Variants in EXOC4 observed in about 807,000 individuals in gnomAD.
The protein encoded by EXOC4 is SEC8-like 1.
A neutral mutation model predicts 107.2 loss-of-function variants in EXOC4; 71 were observed. That is an observed-to-expected ratio of 0.66 (90% CI 0.55 to 0.81). EXOC4 has a LOEUF of 0.81. Ranked by LOEUF, EXOC4 falls within the 30% of genes least tolerant of loss-of-function variation. The probability of loss-of-function intolerance (pLI) is 0.00; values close to 1 mark genes in which losing one functional copy is unlikely to be tolerated. For missense variants in EXOC4, 1,108 were observed against 1,189.6 expected (o/e 0.93, Z 1.01); for synonymous variants, 456 against 441.2 (o/e 1.03, Z -0.42).
intron 11 of EXOC4, among the ~76,000 whole-genome samples, chr7:133,857,852 A>T (rs1234911353): frequency 6.6e-6 from 1 of 152,096 alleles, no homozygotes; most frequent in Non-Finnish European, 1.5e-5. Flanking sequence ...CACCACCCAC[A>T]GCTCGGCGGA....
chr7:133,525,401 G>A (rs1022313476), intron 9 of EXOC4, among the ~76,000 whole-genome samples: 1 of 152,164 alleles, frequency 6.6e-6, no homozygotes, highest in African/African-American at 2.4e-5. Context: ...ACTTTTCTGT[G>A]TGTGTATTTC....
chr7:133,457,877 ATAGC>A (rs1798499660), intron 7 of EXOC4, among the ~76,000 whole-genome samples: 1 of 152,198 alleles, frequency 6.6e-6, no homozygotes, highest in Non-Finnish European at 1.5e-5. Context: ...AGTAGTAGGT[ATAGC>A]TTCAGTAATA....
At chr7:133,287,832 G>C (rs902320064) in intron 2 of EXOC4, among the ~76,000 whole-genome samples, 4 of 152,194 alleles carry the variant, frequency 2.6e-5, no homozygotes, top group Non-Finnish European at 5.9e-5. Context: ...CGGAGGCATA[G>C]TGTCAGTGAA....
chr7:133,604,280 A>G (rs1029810108), intron 9 of EXOC4, among the ~76,000 whole-genome samples: 12 of 152,360 alleles, frequency 7.9e-5, no homozygotes, highest in African/African-American at 2.6e-4. Flanking sequence ...CAAAATAATG[A>G]TAAAAGTGTA....
Position 133,842,339 on chromosome 7 carries a change from A to T in EXOC4, c.1734+24795A>T, listed in dbSNP as rs115047645. On this transcript the variant is annotated intron_variant, in intron 11 of 17. Coordinates refer to ENST00000253861, the MANE Select transcript of EXOC4 (RefSeq NM_021807.4). ...TGTTATTGACTTTTTAGTAGTAGCC[A>T]TTCTGACTGATGTGAAATAGTATCT... 2.4e-3 allele frequency among the ~76,000 whole-genome samples: 366 copies of T among 152,316 alleles called. 5 individuals carry two copies. Among genetic ancestry groups the T allele is most frequent in the African/African-American group, 8.2e-3 (342 of 41,572 alleles).
At chr7:133,739,373 C>T (rs1795516117) in intron 10 of EXOC4, among the ~76,000 whole-genome samples, 1 of 151,992 alleles carries the variant, frequency 6.6e-6, no homozygotes, top group South Asian at 2.1e-4. Context: ...TTGAAGTTCA[C>T]AAGGCAGGCC....
chr7:133,532,317 C>T (rs771812953), intron 9 of EXOC4, among the ~76,000 whole-genome samples: 6 of 151,796 alleles, frequency 4.0e-5, no homozygotes, highest in African/African-American at 4.8e-5. Context: ...ATTTTAGAAA[C>T]GTAAAAGGAG....
intron 10 of EXOC4, among the ~76,000 whole-genome samples, chr7:133,792,512 C>T (rs1370759312): frequency 7.8e-6 from 1 of 127,934 alleles, no homozygotes; most frequent in Admixed American, 9.9e-5. Context: ...GAGATCACAC[C>T]ACTGCACTCC....
intron 1 of EXOC4, among the ~76,000 whole-genome samples, chr7:133,256,224 A>G (rs568055356): frequency 6.6e-6 from 1 of 151,990 alleles, no homozygotes; most frequent in African/African-American, 2.4e-5. Context: ...CTTGTGATCC[A>G]CCCGCCTTGG....
At chr7:133,378,805 GAAAC>G (rs1305821774) in intron 7 of EXOC4, among the ~76,000 whole-genome samples, 4 of 151,754 alleles carry the variant, frequency 2.6e-5, no homozygotes, top group Admixed American at 2.0e-4. Flanking sequence ...AAGGAAGAAA[GAAAC>G]AATAAAAAAC....
At chr7:133,409,598 C>G (rs929593929) in intron 7 of EXOC4, among the ~76,000 whole-genome samples, 15 of 152,178 alleles carry the variant, frequency 9.9e-5, no homozygotes, top group Non-Finnish European at 7.4e-5. Flanking sequence ...CTGCTGTCAT[C>G]ATCCTGACCC....
rs914262934 is a variant in EXOC4, at chr7:133,667,008, C to G, written c.1514+36867C>G. On this transcript the variant is annotated intron_variant, in intron 10 of 17. Coordinates refer to ENST00000253861, the MANE Select transcript of EXOC4 (RefSeq NM_021807.4). ...CTTTTTCCCTCCTTTCCCTGTTTCT[C>G]TTTCCTTTTCTTCCATTCTCTCTTA... Among the ~76,000 whole-genome samples, 3 of 152,104 alleles carry G rather than the reference C, an allele frequency of 2.0e-5. 1 individual carries two copies. Among genetic ancestry groups the G allele is most frequent in the Non-Finnish European group, 2.9e-5 (2 of 68,024 alleles).
chr7:133,340,343 C>A (rs563637711), intron 5 of EXOC4, among the ~76,000 whole-genome samples: 1 of 150,212 alleles, frequency 6.7e-6, no homozygotes, highest in Non-Finnish European at 1.5e-5. Flanking sequence ...ACTATCCAAG[C>A]ATCCCTTCTG....
chr7:133,535,347 C>G (rs764243599), intron 9 of EXOC4, among the ~76,000 whole-genome samples: 1 of 152,082 alleles, frequency 6.6e-6, no homozygotes, highest in Non-Finnish European at 1.5e-5. Flanking sequence ...GTCTTTCAGC[C>G]GTGTAACAGC....
intron 11 of EXOC4, among the ~76,000 whole-genome samples, chr7:133,858,008 G>T (rs530049169): frequency 3.6e-4 from 55 of 152,124 alleles, no homozygotes; most frequent in African/African-American, 1.1e-3. Flanking sequence ...GAGGGCTATA[G>T]TGCTACAGCT....
At chr7:133,503,756 C>T (rs1474249937) in intron 9 of EXOC4, among the ~76,000 whole-genome samples, 2 of 151,958 alleles carry the variant, frequency 1.3e-5, no homozygotes, top group Admixed American at 1.3e-4. Flanking sequence ...ATTTCCAGGT[C>T]CATAGCAAAG....
At chr7:133,493,374 T>C (rs1289532679) in intron 9 of EXOC4, among the ~76,000 whole-genome samples, 1 of 151,966 alleles carries the variant, frequency 6.6e-6, no homozygotes, top group Non-Finnish European at 1.5e-5. Flanking sequence ...GAGGCAGAGG[T>C]TGCAGTGAGC....
chr7:133,712,467 A>T (rs2151097968), intron 10 of EXOC4, among the ~76,000 whole-genome samples: 2 of 145,424 alleles, frequency 1.4e-5, no homozygotes, highest in South Asian at 4.3e-4. Context: ...AAAAAAAAAA[A>T]AAAAAATGGA....
At chr7:133,766,528 T>C (rs1182742957) in intron 10 of EXOC4, among the ~76,000 whole-genome samples, 1 of 151,958 alleles carries the variant, frequency 6.6e-6, no homozygotes. Flanking sequence ...ACAGAGTTGT[T>C]TTAATATCAG....
Sources: gnomAD v4.1 joint callset for allele counts (sites outside exome capture counted in the v4.1 genomes callset) on GRCh38, gnomAD v4.1.1 for gene constraint, MANE v1.5 for transcripts, NCBI Gene and HGNC (gene_info 2026-07-23, HGNC 2026-07-21) for gene names.